The following SWT1 variants were observed in gnomAD, a reference collection of about 807,000 sequenced individuals.
SWT1 encodes SWT1 RNA endoribonuclease homolog, also known as transcriptional protein SWT1.
Under a neutral mutation model 107.3 loss-of-function variants are expected in SWT1, and 33 were observed. That is an observed-to-expected ratio of 0.31 (90% CI 0.23 to 0.41). The LOEUF (loss-of-function observed/expected upper bound fraction) is 0.41. SWT1 is among the 10% of genes least tolerant of loss of function. The pLI is 1.00. For synonymous variants in SWT1, 345 were observed against 348.3 expected, an observed-to-expected ratio of 0.99 and a Z score of 0.11; for missense variants, 898 against 1,028.9, an observed-to-expected ratio of 0.87 and a Z score of 1.74.
chr1:185,283,496 T>C (rs1664766341), intron 18 of SWT1, among the ~76,000 whole-genome samples: 1 of 152,250 alleles, frequency 6.6e-6, no homozygotes, highest in Non-Finnish European at 1.5e-5. Context: ...TTTTTCTGTC[T>C]TGTAAGTTCT....
chr1:185,241,716 A>G (rs1423734177), intron 16 of SWT1, among the ~76,000 whole-genome samples: 1 of 152,112 alleles, frequency 6.6e-6, no homozygotes, highest in Non-Finnish European at 1.5e-5. Context: ...TGAGTGTTTT[A>G]TAGTCTTTGT....
chr1:185,255,534 A>G (rs1489936552), intron 16 of SWT1, among the ~76,000 whole-genome samples: 2 of 127,352 alleles, frequency 1.6e-5, no homozygotes, highest in South Asian at 5.4e-4. Context: ...CCATTATGTA[A>G]TGGCCTTCTT....
chr1:185,183,514 C>T (rs1202670553), intron 7 of SWT1, among the ~76,000 whole-genome samples: 1 of 152,078 alleles, frequency 6.6e-6, no homozygotes, highest in Non-Finnish European at 1.5e-5. Context: ...AACTCCTGAC[C>T]TCAGGTGATT....
intron 16 of SWT1, among the ~76,000 whole-genome samples, chr1:185,269,395 TA>T (rs1459752493): frequency 6.6e-6 from 1 of 151,484 alleles, no homozygotes; most frequent in African/African-American, 2.4e-5. Context: ...TTTTGTATTT[TA>T]AAATTACTTG....
rs1327377799 is a variant in SWT1 at position 185,226,858 on chromosome 1, C to T, written c.2310-4719C>T. 1.1e-5 allele frequency: 17 copies of T among 1,532,982 alleles called. No individual in the cohort carries two copies. The East Asian group carries it at 3.8e-4, about 35-fold the overall frequency. 95.0% of individuals were successfully genotyped at this position (1,532,982 alleles called of 1,614,324 possible). On this transcript the variant is annotated intron_variant, in intron 15 of 18. Coordinates refer to ENST00000367500, the MANE Select transcript of SWT1 (RefSeq NM_017673.7). ...CTGAGGAAGCTTGCCTTCTTTTGAG[C>T]TACCCGATCTTTCTTCTGAGCAATG... is the stretch of plus-strand genomic sequence containing the variant.
At chr1:185,209,428 T>C (rs923802752) in intron 13 of SWT1, among the ~76,000 whole-genome samples, 2 of 152,116 alleles carry the variant, frequency 1.3e-5, no homozygotes, top group Admixed American at 6.6e-5. Context: ...CCTGTGTCCA[T>C]GTGTTCTCAT....
intron 17 of SWT1, among the ~76,000 whole-genome samples, chr1:185,274,764 C>T (rs1664129171): frequency 6.6e-6 from 1 of 151,884 alleles, no homozygotes; most frequent in Non-Finnish European, 1.5e-5. Context: ...TATTTTTTTC[C>T]CCTGGAAATT....
chr1:185,274,089 TC>T (rs749289828), intron 17 of SWT1, among the ~76,000 whole-genome samples: 29 of 152,122 alleles, frequency 1.9e-4, no homozygotes, highest in Non-Finnish European at 3.5e-4. Context: ...TTTAGTACTT[TC>T]TATTGCCAAG....
intron 15 of SWT1, among the ~76,000 whole-genome samples, chr1:185,222,410 T>G (rs1021767066): frequency 4.3e-4 from 65 of 152,254 alleles, no homozygotes; most frequent in African/African-American, 1.4e-3. Context: ...TTATCATGTA[T>G]TTTTTCATGA....
intron 18 of SWT1, among the ~76,000 whole-genome samples, chr1:185,288,779 G>A (rs1472484889): frequency 6.6e-6 from 1 of 152,070 alleles, no homozygotes; most frequent in Non-Finnish European, 1.5e-5. Flanking sequence ...TTACGGGATT[G>A]AATTCTTTGA....
intron 15 of SWT1, among the ~76,000 whole-genome samples, chr1:185,224,703 G>A (rs1488630297): frequency 6.6e-6 from 1 of 151,834 alleles, no homozygotes; most frequent in Non-Finnish European, 1.5e-5. Flanking sequence ...CCTTGATTAG[G>A]TTTACTTTTT....
intron 10 of SWT1, among the ~76,000 whole-genome samples, chr1:185,190,990 G>A (rs1377829925): frequency 6.6e-6 from 1 of 152,180 alleles, no homozygotes; most frequent in Admixed American, 6.5e-5. Flanking sequence ...TGGAGATAAG[G>A]TAGTTTATGT....
At chr1:185,282,702 C>T (rs1319767374) in intron 18 of SWT1, among the ~76,000 whole-genome samples, 2 of 151,862 alleles carry the variant, frequency 1.3e-5, no homozygotes, top group African/African-American at 2.4e-5. Context: ...GTTTGATGAG[C>T]CCGCAACCTG....
At chr1:185,261,314 A>G (rs918608153) in intron 16 of SWT1, among the ~76,000 whole-genome samples, 5 of 152,056 alleles carry the variant, frequency 3.3e-5, no homozygotes, top group African/African-American at 9.7e-5. Context: ...ATATTCATCT[A>G]TGTTGTGGCA....
At chr1:185,219,969 C>G (rs1307118901) in intron 14 of SWT1, among the ~76,000 whole-genome samples, 1 of 151,802 alleles carries the variant, frequency 6.6e-6, no homozygotes, top group Admixed American at 6.6e-5. Context: ...CATGGCGAAA[C>G]TCTGTCTCTA....
chr1:185,169,427 C>T (rs575966825), intron 4 of SWT1, among the ~76,000 whole-genome samples: 7 of 151,914 alleles, frequency 4.6e-5, no homozygotes, highest in South Asian at 4.2e-4. Context: ...TAAAAATCTC[C>T]GTATTAATTC....
intron 16 of SWT1, among the ~76,000 whole-genome samples, chr1:185,236,121 C>G (rs1055658847): frequency 6.6e-6 from 1 of 152,078 alleles, no homozygotes; most frequent in Admixed American, 6.5e-5. Context: ...GGCTATACTG[C>G]CCAAAGTAAT....
At chr1:185,210,820 T>G (rs1658734271) in intron 13 of SWT1, among the ~76,000 whole-genome samples, 2 of 152,302 alleles carry the variant, frequency 1.3e-5, no homozygotes, top group South Asian at 4.1e-4. Flanking sequence ...CAAAATCTCC[T>G]TAAGCTGATA....
In SWT1 at chr1:185,276,749, G is replaced by T. The variant is rs541258223; in HGVS notation, c.2573+81G>T. Reference sequence around the variant, plus strand: ...GCAGCACTTGGTGGTGGTGGTGGTGGTGATGTGTTTTTTCATTGTCTTTTC... The same window carrying T: ...GCAGCACTTGGTGGTGGTGGTGGTGTTGATGTGTTTTTTCATTGTCTTTTC... On this transcript the variant is annotated intron_variant, in intron 18 of 18. Coordinates refer to ENST00000367500, the MANE Select transcript of SWT1 (RefSeq NM_017673.7). 7.1e-5 allele frequency: 46 copies of T among 649,526 alleles called. No homozygotes were observed. The South Asian group carries it at 1.2e-3, about 18-fold the overall frequency. The allele number at this position is 649,526 out of a possible 1,614,324, so 40.2% of individuals were successfully genotyped here.
Sources: allele counts gnomAD v4.1 joint callset (sites outside exome capture counted in the v4.1 genomes callset), GRCh38; gene constraint gnomAD v4.1.1; transcripts MANE v1.5; gene names NCBI Gene and HGNC (gene_info 2026-07-23, HGNC 2026-07-21).